The following TENM2 variants were observed in gnomAD, a reference collection of about 807,000 sequenced individuals.
The protein encoded by TENM2 is teneurin-2.
A neutral mutation model predicts 245.2 loss-of-function variants in TENM2; 52 were observed. The ratio of observed to expected loss-of-function variants is 0.21; its 90% CI spans 0.17 to 0.27. The LOEUF (loss-of-function observed/expected upper bound fraction) is 0.27, where lower values mean the gene tolerates loss of function less well. Ranked by LOEUF, TENM2 falls within the 10% of genes least tolerant of loss-of-function variation. TENM2 has a pLI of 1.00. For missense variants in TENM2, 3,046 were observed against 3,666.8 expected (o/e 0.83, Z 4.37); for synonymous variants, 1,363 against 1,438.9 (o/e 0.95, Z 1.19).
intron 2 of TENM2, among the ~76,000 whole-genome samples, chr5:167,462,932 G>C (rs1766411750): frequency 6.6e-6 from 1 of 151,854 alleles, no homozygotes; most frequent in Non-Finnish European, 1.5e-5. Context: ...ATTCTATAGG[G>C]CACTGAAGTA....
intron 1 of TENM2, among the ~76,000 whole-genome samples, chr5:167,331,235 C>CAAAAAAAAAAAAAAA (rs34787036): frequency 1.2e-5 from 1 of 85,564 alleles, no homozygotes; most frequent in East Asian, 3.3e-4. Flanking sequence ...GACTCTGTCT[C>CAAAAAAAAAAAAAAA]AAAAAAAAAA....
rs1340584913 is a variant in TENM2 at position 168,189,792 on chromosome 5, G to C, written c.2570-545G>C. Among the ~76,000 whole-genome samples, 8 of 152,170 alleles carry C rather than the reference G, an allele frequency of 5.3e-5. No individual in the cohort carries two copies. In the South Asian group the frequency reaches 1.7e-3, roughly 32 times the overall value. ...TGATAAAAAAATTGTATTTCTAATA[G>C]AGACAGGGTCTCACTATGTTGCCCA... On this transcript the variant is annotated intron_variant, in intron 13 of 28. Coordinates refer to ENST00000518659, the Ensembl canonical transcript of TENM2.
At chr5:167,304,015 TTAAG>T (rs376338204) in intron 1 of TENM2, among the ~76,000 whole-genome samples, 123 of 152,314 alleles carry the variant, frequency 8.1e-4, no homozygotes, top group African/African-American at 2.8e-3. Flanking sequence ...GTGGAACAGT[TTAAG>T]TAGGCTTTTG....
At position 167,330,883 on chromosome 5, in the gene TENM2, G is replaced by A. The variant is rs1037192951; in HGVS notation, c.227-44315G>A. Among the ~76,000 whole-genome samples the A allele has an allele frequency of 3.9e-5, 6 of 152,068 alleles. No individual in the cohort carries two copies. In the East Asian group the frequency reaches 5.8e-4, roughly 15 times the overall value. On this transcript the variant is annotated intron_variant, in intron 1 of 28. Transcript: ENST00000518659. ...CATTCTTCCATGTTTTCTCTGATGC[G>A]TAGACATAAGTTTTGGTCACTACAG... is the stretch of plus-strand genomic sequence containing the variant.
At chr5:167,748,533 C>A (rs1241841188) in intron 2 of TENM2, among the ~76,000 whole-genome samples, 1 of 152,096 alleles carries the variant, frequency 6.6e-6, no homozygotes, top group Non-Finnish European at 1.5e-5. Context: ...GGACTACAGG[C>A]ACATGCCACC....
intron 1 of TENM2, among the ~76,000 whole-genome samples, chr5:167,350,929 GATAT>G (rs1172826822): frequency 1.4e-5 from 1 of 72,746 alleles, no homozygotes; most frequent in African/African-American, 4.3e-5. Flanking sequence ...TATACATATG[GATAT>G]ATATATGGGA....
At chr5:167,193,477 A>T in the TENM2 span, among the ~76,000 whole-genome samples, 1 of 143,116 alleles carries the variant, frequency 7.0e-6, no homozygotes, top group South Asian at 2.5e-4. Flanking sequence ...TCTCCATCAC[A>T]TAGTTTGTAA....
At chr5:167,143,556 C>A in the TENM2 span, among the ~76,000 whole-genome samples, 1 of 152,126 alleles carries the variant, frequency 6.6e-6, no homozygotes, top group Non-Finnish European at 1.5e-5. Flanking sequence ...ACAGTAAACT[C>A]TTTCTTGTAT....
At chr5:167,139,579 T>G in the TENM2 span, among the ~76,000 whole-genome samples, 1 of 152,220 alleles carries the variant, frequency 6.6e-6, no homozygotes, top group Non-Finnish European at 1.5e-5. Context: ...GTAGAAGACT[T>G]TCTGACATTT....
intron 16 of TENM2, 148 bp downstream of exon 18, chr5:168,199,262 GA>G: frequency 1.2e-6 from 1 of 860,442 alleles, no homozygotes; most frequent in Non-Finnish European, 1.7e-6. Flanking sequence ...CACCAGAGAT[GA>G]AAGTTTGAAT....
intron 6 of TENM2, among the ~76,000 whole-genome samples, chr5:168,050,232 C>T (rs181345504): frequency 6.6e-6 from 1 of 152,244 alleles, no homozygotes; most frequent in Admixed American, 6.5e-5. Flanking sequence ...GAGATCAGAT[C>T]TCTTCTTAAG....
intron 2 of TENM2, among the ~76,000 whole-genome samples, chr5:167,431,942 T>C (rs866243897): frequency 5.5e-5 from 5 of 90,764 alleles, no homozygotes; most frequent in African/African-American, 2.1e-4. Flanking sequence ...TATATATACA[T>C]ATATATGTAT....
At chr5:167,792,611 A>C (rs1765057136) in intron 2 of TENM2, among the ~76,000 whole-genome samples, 1 of 151,860 alleles carries the variant, frequency 6.6e-6, no homozygotes, top group Non-Finnish European at 1.5e-5. Flanking sequence ...GTACATCCTT[A>C]AGTTTAAGGA....
chr5:167,316,604 T>A (rs1409403442), intron 1 of TENM2, among the ~76,000 whole-genome samples: 1 of 152,178 alleles, frequency 6.6e-6, no homozygotes, highest in East Asian at 1.9e-4. Flanking sequence ...TATACATAGG[T>A]ACAAATATAT....
chr5:167,477,236 A>T (rs966558440), intron 2 of TENM2, among the ~76,000 whole-genome samples: 3 of 147,462 alleles, frequency 2.0e-5, no homozygotes, highest in African/African-American at 7.5e-5. Context: ...TGAAACTAGA[A>T]TTTTTTTTTT....
chr5:167,386,706 A>T (rs1761451366), intron 2 of TENM2, among the ~76,000 whole-genome samples: 1 of 152,148 alleles, frequency 6.6e-6, no homozygotes, highest in Non-Finnish European at 1.5e-5. Flanking sequence ...AGAGATGAGG[A>T]TCCAGTTTCA....
intron 2 of TENM2, among the ~76,000 whole-genome samples, chr5:167,766,715 A>C (rs1188626324): frequency 1.3e-5 from 2 of 151,942 alleles, no homozygotes; most frequent in Non-Finnish European, 2.9e-5. Flanking sequence ...CATCTCTACT[A>C]AAAATACAAA....
At chr5:168,200,218 C>A in intron 17 of TENM2, 87 bp downstream of exon 19, 1 of 1,240,070 alleles carries the variant, frequency 8.1e-7, no homozygotes. Flanking sequence ...GAGGATATGC[C>A]AAGCACCATT....
At chr5:167,141,538 T>C in the TENM2 span, among the ~76,000 whole-genome samples, 2 of 152,372 alleles carry the variant, frequency 1.3e-5, no homozygotes, top group East Asian at 1.9e-4. Context: ...TTCAGTTATA[T>C]GCTGGTACAG....
Sources: gnomAD v4.1 joint callset for allele counts (sites outside exome capture counted in the v4.1 genomes callset) on GRCh38, gnomAD v4.1.1 for gene constraint, MANE v1.5 for transcripts, NCBI Gene and HGNC (gene_info 2026-07-23, HGNC 2026-07-21) for gene names.